Variants in LRRC4C observed in about 807,000 individuals in gnomAD.
LRRC4C encodes the protein leucine rich repeat containing 4C.
A neutral mutation model predicts 33.6 loss-of-function variants in LRRC4C; 5 were observed. The observed-to-expected ratio is 0.15, with a 90% CI of 0.08 to 0.31. LRRC4C has a LOEUF of 0.31. Among genes scored for constraint, LRRC4C ranks in the 10% least tolerant of loss-of-function variants. LRRC4C has a pLI of 1.00. For synonymous variants in LRRC4C, 329 were observed against 302.0 expected, an observed-to-expected ratio of 1.09 and a Z score of -0.93; for missense variants, 560 against 796.7, an observed-to-expected ratio of 0.70 and a Z score of 3.58.
intron 5 of LRRC4C, among the ~76,000 whole-genome samples, chr11:40,203,389 CA>C (rs1368281622): frequency 1.3e-5 from 2 of 152,134 alleles, no homozygotes; most frequent in African/African-American, 4.8e-5. Context: ...CTCTTATCAT[CA>C]AAACTCTTAA....
intron 1 of LRRC4C, among the ~76,000 whole-genome samples, chr11:41,455,702 T>C (rs1956152898): frequency 6.6e-6 from 1 of 152,164 alleles, no homozygotes; most frequent in African/African-American, 2.4e-5. Flanking sequence ...TCTACATAAG[T>C]GTATATTTGT....
intron 3 of LRRC4C, among the ~76,000 whole-genome samples, chr11:40,473,540 CACAAG>C (rs1216793041): frequency 1.3e-5 from 2 of 152,128 alleles, no homozygotes; most frequent in Admixed American, 6.5e-5. Context: ...TGACAACCGG[CACAAG>C]ACAAGGAAGC....
intron 5 of LRRC4C, among the ~76,000 whole-genome samples, chr11:40,239,055 C>T (rs1049123626): frequency 1.3e-5 from 2 of 152,186 alleles, no homozygotes; most frequent in Non-Finnish European, 2.9e-5. Context: ...TGCTTTTGCT[C>T]TCTGTTTACA....
chr11:41,059,216 T>TTA (rs879715159), intron 1 of LRRC4C, among the ~76,000 whole-genome samples: 1 of 149,458 alleles, frequency 6.7e-6, no homozygotes, highest in Non-Finnish European at 1.5e-5. Context: ...AAAAGTTTTT[T>TTA]TTTTTTTTTA....
At chr11:41,349,653 CA>C (rs1951910985) in intron 1 of LRRC4C, among the ~76,000 whole-genome samples, 1 of 151,952 alleles carries the variant, frequency 6.6e-6, no homozygotes, top group Non-Finnish European at 1.5e-5. Flanking sequence ...CATACACAAG[CA>C]AAAAGCCCCA....
In LRRC4C at chr11:40,242,393, G is replaced by A. The variant is rs531147348; in HGVS notation, c.-175-795C>T. ...TGTTTATTTTTTAAATGAGTTTTAT[G>A]TTTTTCCCCTTTTCTCCTTTTCATT... On this transcript the variant is annotated intron_variant, in intron 4 of 6. Transcript: ENST00000528697. 1.3e-3 allele frequency among the ~76,000 whole-genome samples: 196 copies of A among 152,078 alleles called. 2 individuals carry two copies. The highest frequency in any genetic ancestry group is 4.6e-3 in the African/African-American group (190 of 41,488).
chr11:41,384,437 T>C (rs1207426768), intron 1 of LRRC4C, among the ~76,000 whole-genome samples: 2 of 151,736 alleles, frequency 1.3e-5, no homozygotes, highest in Admixed American at 1.3e-4. Context: ...AATAGAAACC[T>C]GGGGAAGTTG....
chr11:40,192,558 G>GT (rs542893539), intron 5 of LRRC4C, among the ~76,000 whole-genome samples: 3 of 152,150 alleles, frequency 2.0e-5, no homozygotes, highest in East Asian at 1.9e-4. Context: ...AGTTGCAGGA[G>GT]TTTTTTTTCA....
chr11:40,951,569 GA>G (rs1958692243), intron 1 of LRRC4C, among the ~76,000 whole-genome samples: 2 of 151,916 alleles, frequency 1.3e-5, no homozygotes, highest in East Asian at 1.9e-4. Context: ...CTGAGTTACA[GA>G]AAAATTAATA....
At chr11:41,046,868 T>C (rs1857809997) in intron 1 of LRRC4C, among the ~76,000 whole-genome samples, 1 of 152,130 alleles carries the variant, frequency 6.6e-6, no homozygotes, top group Admixed American at 6.6e-5. Context: ...CTATTGACTA[T>C]AAGAGCAAAC....
chr11:41,270,226 T>A (rs1420424437), intron 1 of LRRC4C, among the ~76,000 whole-genome samples: 1 of 152,068 alleles, frequency 6.6e-6, no homozygotes, highest in Non-Finnish European at 1.5e-5. Context: ...TCCTTCATAC[T>A]CCTTCAGTGC....
At chr11:40,230,742 C>T (rs900711188) in intron 5 of LRRC4C, among the ~76,000 whole-genome samples, 2 of 152,168 alleles carry the variant, frequency 1.3e-5, no homozygotes, top group African/African-American at 4.8e-5. Context: ...CGCATGTCAT[C>T]AGCAGCATGT....
intron 2 of LRRC4C, among the ~76,000 whole-genome samples, chr11:40,760,804 C>T (rs1949173957): frequency 1.4e-5 from 2 of 144,820 alleles, no homozygotes; most frequent in South Asian, 2.2e-4. Flanking sequence ...TATATATACA[C>T]ACACACACAC....
At chr11:41,198,770 G>C (rs548894544) in intron 1 of LRRC4C, among the ~76,000 whole-genome samples, 102 of 152,134 alleles carry the variant, frequency 6.7e-4, no homozygotes, top group African/African-American at 2.4e-3. Flanking sequence ...AGCGGTAGAA[G>C]TCCCAGCGAA....
At chr11:40,845,680 C>T (rs1953124847) in intron 2 of LRRC4C, among the ~76,000 whole-genome samples, 1 of 151,974 alleles carries the variant, frequency 6.6e-6, no homozygotes, top group Non-Finnish European at 1.5e-5. Flanking sequence ...ATTTATAATC[C>T]TTTGGGTATA....
intron 1 of LRRC4C, among the ~76,000 whole-genome samples, chr11:41,420,355 G>A (rs755518118): frequency 6.6e-6 from 1 of 151,914 alleles, no homozygotes; most frequent in Non-Finnish European, 1.5e-5. Flanking sequence ...TGTAAGTTGT[G>A]TGATTCCATA....
intron 3 of LRRC4C, among the ~76,000 whole-genome samples, chr11:40,523,571 A>G (rs1407281603): frequency 6.7e-6 from 1 of 148,724 alleles, no homozygotes. Context: ...AATATTATGT[A>G]AAATATAGAT....
chr11:40,796,128 A>G (rs927006562), intron 2 of LRRC4C, among the ~76,000 whole-genome samples: 13 of 152,156 alleles, frequency 8.5e-5, no homozygotes, highest in African/African-American at 2.9e-4. Flanking sequence ...TTTATTTATA[A>G]AAAATATGTT....
intron 2 of LRRC4C, among the ~76,000 whole-genome samples, chr11:40,689,287 T>C (rs962247546): frequency 1.3e-5 from 2 of 152,032 alleles, no homozygotes; most frequent in Non-Finnish European, 2.9e-5. Flanking sequence ...GAATGTGGGA[T>C]TTGAACTCAG....
Sources: gnomAD v4.1 joint callset for allele counts (sites outside exome capture counted in the v4.1 genomes callset) on GRCh38, gnomAD v4.1.1 for gene constraint, MANE v1.5 for transcripts, NCBI Gene and HGNC (gene_info 2026-07-23, HGNC 2026-07-21) for gene names.